The following CD163L1 variants were observed in gnomAD, a reference collection of about 807,000 sequenced individuals.
CD163L1 encodes the protein scavenger receptor cysteine-rich type 1 protein M160.
A neutral mutation model predicts 165.4 loss-of-function variants in CD163L1; 124 were observed. The ratio of observed to expected loss-of-function variants is 0.75; its 90% CI spans 0.65 to 0.87. The LOEUF (loss-of-function observed/expected upper bound fraction) is 0.87, where lower values mean the gene tolerates loss of function less well. CD163L1 is among the 40% of genes least tolerant of loss of function. CD163L1 has a pLI of 0.00. For missense variants in CD163L1, 1,525 were observed against 1,799.9 expected, an observed-to-expected ratio of 0.85 and a Z score of 2.76; for synonymous variants, 585 against 662.2, an observed-to-expected ratio of 0.88 and a Z score of 1.79.
At chr12:7,334,773 G>A in the CD163L1 span, among the ~76,000 whole-genome samples, 7 of 152,172 alleles carry the variant, frequency 4.6e-5, 1 homozygote. Flanking sequence ...TCCTTAAGCT[G>A]ATAAGCAACT....
chr12:7,328,159 A>T, the CD163L1 span: 1 of 631,918 alleles, frequency 1.6e-6, no homozygotes, highest in Non-Finnish European at 2.6e-6. Context: ...CATGAAATTC[A>T]ATGAGCTTAG....
chr12:7,420,855 G>A (rs1007033542), intron 4 of CD163L1, among the ~76,000 whole-genome samples: 4 of 151,294 alleles, frequency 2.6e-5, no homozygotes, highest in African/African-American at 4.9e-5. Context: ...GGTCTCTACC[G>A]AGAGGAAAAG....
chr12:7,378,936 T>C, intron 9 of CD163L1, 42 bp downstream of exon 9: 1 of 1,542,564 alleles, frequency 6.5e-7, no homozygotes, highest in South Asian at 1.2e-5. Flanking sequence ...AGTGCAAAAA[T>C]AAATAATTAA....
chr12:7,319,646 A>G, the CD163L1 span, among the ~76,000 whole-genome samples: 1 of 151,358 alleles, frequency 6.6e-6, no homozygotes, highest in Non-Finnish European at 1.5e-5. Context: ...TTGCCCCGCC[A>G]CTCACCTCCT....
At chr12:7,381,962 A>T (rs1947418246) in intron 8 of CD163L1, among the ~76,000 whole-genome samples, 1 of 142,496 alleles carries the variant, frequency 7.0e-6, no homozygotes, top group African/African-American at 2.5e-5. Flanking sequence ...AATTAAAAAA[A>T]TATATATTTA....
chr12:7,442,498 G>A (rs1324458491), intron 1 of CD163L1, among the ~76,000 whole-genome samples: 2 of 150,826 alleles, frequency 1.3e-5, no homozygotes. Context: ...AATAACCATA[G>A]AGGAGACTTT....
At chr12:7,328,438 A>G in the CD163L1 span, 1 of 1,220,166 alleles carries the variant, frequency 8.2e-7, no homozygotes, top group Non-Finnish European at 1.1e-6. Context: ...TTGTTCCGAT[A>G]ATTCAGCGAC....
At chr12:7,324,174 T>A in the CD163L1 span, 1 of 1,409,212 alleles carries the variant, frequency 7.1e-7, no homozygotes, top group Non-Finnish European at 9.5e-7. Context: ...AAAAATTTCC[T>A]ATATAAGTAG....
At chr12:7,441,532 T>C (rs763511261) in intron 1 of CD163L1, among the ~76,000 whole-genome samples, 6 of 152,314 alleles carry the variant, frequency 3.9e-5, no homozygotes, top group Non-Finnish European at 1.5e-5. Context: ...CTGTTTGGGG[T>C]AATTGATTAG....
chr12:7,423,063 G>A (rs182491624), intron 4 of CD163L1, among the ~76,000 whole-genome samples: 8 of 151,836 alleles, frequency 5.3e-5, no homozygotes, highest in East Asian at 3.8e-4. Context: ...TTCTAAGCTC[G>A]ACCTCATAAT....
intron 4 of CD163L1, among the ~76,000 whole-genome samples, chr12:7,430,852 C>T (rs1948615977): frequency 6.6e-6 from 1 of 151,652 alleles, no homozygotes; most frequent in African/African-American, 2.4e-5. Flanking sequence ...GAAAATATCA[C>T]GTACATGAAA....
intron 4 of CD163L1, among the ~76,000 whole-genome samples, chr12:7,348,055 T>C (rs983381602): frequency 2.0e-5 from 3 of 152,232 alleles, no homozygotes; most frequent in African/African-American, 7.2e-5. Context: ...GTTTTTAAAG[T>C]ATCCCCTTCA....
the CD163L1 span, among the ~76,000 whole-genome samples, chr12:7,327,851 G>A: frequency 1.3e-5 from 2 of 152,132 alleles, no homozygotes; most frequent in African/African-American, 2.4e-5. Flanking sequence ...GAGGATTTTT[G>A]TGGTCAAGTC....
At position 7,349,678 on chromosome 12, in the gene CD163L1, C is replaced by T. The variant is rs115135171; in HGVS notation, c.*25-2531G>A. ...CAGATACATTTCTTTGTAAGTGTAT[C>T]CTCAGCCACTTGTACTATGCTTTGG... is the stretch of plus-strand genomic sequence containing the variant. On this transcript the variant is annotated intron_variant, in intron 4 of 4. Coordinates refer to the CD163L1 transcript ENST00000539726. Among the ~76,000 whole-genome samples, 542 of 152,264 alleles carry T rather than the reference C, an allele frequency of 3.6e-3. 3 individuals are homozygous for T. Among genetic ancestry groups the T allele is most frequent in the African/African-American group, 0.013 (528 of 41,544 alleles).
At chr12:7,350,985 T>A (rs1316400790), downstream of CD163L1, among the ~76,000 whole-genome samples, 1 of 152,132 alleles carries the variant, frequency 6.6e-6, no homozygotes. Context: ...TTATGCAAAG[T>A]TCACATTCAA....
intron 8 of CD163L1, among the ~76,000 whole-genome samples, chr12:7,386,077 A>C (rs963246675): frequency 3.9e-5 from 6 of 152,054 alleles, no homozygotes; most frequent in Non-Finnish European, 8.8e-5. Flanking sequence ...TGAAAAGATC[A>C]AACTTTTGCT....
chr12:7,324,508 T>C, the CD163L1 span: 2 of 1,613,996 alleles, frequency 1.2e-6, no homozygotes. Context: ...GGTACCGTAT[T>C]GGGCCATTTG....
intron 8 of CD163L1, among the ~76,000 whole-genome samples, chr12:7,385,074 AC>A (rs1947488817): frequency 6.6e-6 from 1 of 152,086 alleles, no homozygotes; most frequent in Admixed American, 6.5e-5. Flanking sequence ...ATTAAAAAAA[AC>A]AATGACCCAA....
chr12:7,355,904 T>G (rs931857311), intron 19 of CD163L1, among the ~76,000 whole-genome samples: 1 of 152,180 alleles, frequency 6.6e-6, no homozygotes, highest in Non-Finnish European at 1.5e-5. Flanking sequence ...TCCAGAATTG[T>G]GAGAAAACAA....
Sources: allele counts gnomAD v4.1 joint callset (sites outside exome capture counted in the v4.1 genomes callset), GRCh38; gene constraint gnomAD v4.1.1; transcripts MANE v1.5; gene names NCBI Gene and HGNC (gene_info 2026-07-23, HGNC 2026-07-21).